Variants in TNFSF4 observed in about 807,000 individuals in gnomAD.
TNFSF4 encodes tumor necrosis factor ligand superfamily member 4.
A neutral mutation model predicts 7.3 loss-of-function variants in TNFSF4; 4 were observed. That is an observed-to-expected ratio of 0.55 (90% CI 0.27 to 1.25). The LOEUF (loss-of-function observed/expected upper bound fraction) is 1.25. TNFSF4 is among the 50% of genes most tolerant of loss of function. The probability of loss-of-function intolerance (pLI) is 0.12; values close to 1 mark genes in which losing one functional copy is unlikely to be tolerated. For missense variants in TNFSF4, 181 were observed against 208.8 expected, an observed-to-expected ratio of 0.87 and a Z score of 0.82; for synonymous variants, 76 against 83.7, an observed-to-expected ratio of 0.91 and a Z score of 0.50.
chr1:173,422,088 G>C, the TNFSF4 span, among the ~76,000 whole-genome samples: 1 of 151,304 alleles, frequency 6.6e-6, no homozygotes, highest in Non-Finnish European at 1.5e-5. Context: ...GTCCCTAGCA[G>C]AAAAAAAAGC....
chr1:173,174,679 C>T, the TNFSF4 span: 4 of 152,118 alleles, frequency 2.6e-5, no homozygotes, highest in African/African-American at 9.7e-5. Flanking sequence ...CATGGGAGAA[C>T]CACCCCCATG....
chr1:173,173,538 C>T, the TNFSF4 span, among the ~76,000 whole-genome samples: 1 of 152,210 alleles, frequency 6.6e-6, no homozygotes, highest in Admixed American at 6.5e-5. Flanking sequence ...GAGGGCTCCA[C>T]CCCTGCAGCA....
chr1:173,370,141 G>A, the TNFSF4 span, among the ~76,000 whole-genome samples: 5 of 152,160 alleles, frequency 3.3e-5, no homozygotes, highest in Admixed American at 1.3e-4. Flanking sequence ...CAGACCTGGC[G>A]AAGCTTTCAG....
chr1:173,323,102 TG>T, the TNFSF4 span, among the ~76,000 whole-genome samples: 1 of 152,202 alleles, frequency 6.6e-6, no homozygotes, highest in Non-Finnish European at 1.5e-5. Context: ...AGTGGGTCCC[TG>T]ACCCCCGAGT....
At chr1:173,354,989 G>T in the TNFSF4 span, among the ~76,000 whole-genome samples, 1 of 152,138 alleles carries the variant, frequency 6.6e-6, no homozygotes, top group Admixed American at 6.5e-5. Flanking sequence ...TCCCACACAG[G>T]TCTCACTGGG....
the TNFSF4 span, among the ~76,000 whole-genome samples, chr1:173,316,468 T>A: frequency 6.6e-6 from 1 of 152,098 alleles, no homozygotes; most frequent in African/African-American, 2.4e-5. Flanking sequence ...AAAGACTTTT[T>A]CCAAGTAAAA....
chr1:173,283,286 T>A, the TNFSF4 span, among the ~76,000 whole-genome samples: 1 of 151,874 alleles, frequency 6.6e-6, no homozygotes, highest in East Asian at 1.9e-4. Context: ...TCTCACCCCA[T>A]CCTTTCCCCC....
At chr1:173,231,983 A>C in the TNFSF4 span, among the ~76,000 whole-genome samples, 3 of 152,164 alleles carry the variant, frequency 2.0e-5, no homozygotes, top group Admixed American at 2.0e-4. Flanking sequence ...ACTTTAAAGT[A>C]GTTTTTTCCA....
the TNFSF4 span, among the ~76,000 whole-genome samples, chr1:173,354,425 G>T: frequency 6.6e-6 from 1 of 151,794 alleles, no homozygotes; most frequent in Admixed American, 6.6e-5. Context: ...AAGAAGAGCT[G>T]GTACCATTCC....
upstream of TNFSF4, among the ~76,000 whole-genome samples, chr1:173,209,470 C>T (rs1015825655): frequency 1.1e-4 from 16 of 152,078 alleles, no homozygotes; most frequent in Non-Finnish European, 1.9e-4. Flanking sequence ...GGGTCAAATA[C>T]GTTACTAAAT....
chr1:173,441,018 T>C, the TNFSF4 span, among the ~76,000 whole-genome samples: 1 of 152,118 alleles, frequency 6.6e-6, no homozygotes, highest in Non-Finnish European at 1.5e-5. Flanking sequence ...AAGATGGAAA[T>C]AAAAATAAAA....
the TNFSF4 span, among the ~76,000 whole-genome samples, chr1:173,172,969 CCTT>C: frequency 2.0e-5 from 3 of 152,084 alleles, no homozygotes; most frequent in African/African-American, 7.2e-5. Flanking sequence ...GCAAACATGT[CCTT>C]CTTCACAAGG....
At chr1:173,291,988 T>TAA in the TNFSF4 span, among the ~76,000 whole-genome samples, 230 of 145,730 alleles carry the variant, frequency 1.6e-3, 1 homozygote, top group African/African-American at 5.5e-3. Context: ...AAATCAATAA[T>TAA]AAAAAAAAAT....
At chr1:173,215,260 C>A in the TNFSF4 span, among the ~76,000 whole-genome samples, 1 of 152,080 alleles carries the variant, frequency 6.6e-6, no homozygotes, top group Non-Finnish European at 1.5e-5. Context: ...TTCCAGCCTC[C>A]AGAACTGTGA....
At chr1:173,438,611 A>C in the TNFSF4 span, among the ~76,000 whole-genome samples, 1 of 152,152 alleles carries the variant, frequency 6.6e-6, no homozygotes, top group Non-Finnish European at 1.5e-5. Context: ...TGATATATAG[A>C]ATTAAAAAGC....
chr1:173,431,596 G>C, the TNFSF4 span, among the ~76,000 whole-genome samples: 6 of 152,248 alleles, frequency 3.9e-5, no homozygotes, highest in Non-Finnish European at 8.8e-5. Flanking sequence ...CAGGGGAAAG[G>C]CTGGCTGCTA....
chr1:173,232,378 T>G, the TNFSF4 span, among the ~76,000 whole-genome samples: 1 of 152,200 alleles, frequency 6.6e-6, no homozygotes, highest in African/African-American at 2.4e-5. Flanking sequence ...GCTGAGACAA[T>G]GGGATTTTCT....
the TNFSF4 span, among the ~76,000 whole-genome samples, chr1:173,436,610 A>G: frequency 5.3e-5 from 8 of 152,062 alleles, no homozygotes; most frequent in African/African-American, 9.7e-5. Flanking sequence ...GGGTTTCACC[A>G]TCTTGGCCAG....
the TNFSF4 span, among the ~76,000 whole-genome samples, chr1:173,273,328 G>A: frequency 3.3e-5 from 5 of 152,142 alleles, no homozygotes; most frequent in South Asian, 8.3e-4. Context: ...TCCTGATACG[G>A]ACTTTCTTCA....
Sources: gnomAD v4.1 joint callset for allele counts (sites outside exome capture counted in the v4.1 genomes callset) on GRCh38, gnomAD v4.1.1 for gene constraint, MANE v1.5 for transcripts, NCBI Gene and HGNC (gene_info 2026-07-23, HGNC 2026-07-21) for gene names.